Variants in SNTB1 observed in about 807,000 individuals in gnomAD.
The protein encoded by SNTB1 is syntrophin beta 1.
In SNTB1, 36 loss-of-function variants were observed where a neutral mutation model predicts 48.9. The observed-to-expected ratio is 0.74, with a 90% confidence interval of 0.56 to 0.97. The LOEUF (loss-of-function observed/expected upper bound fraction) is 0.97. SNTB1 is among the 50% of genes least tolerant of loss of function. SNTB1 has a pLI of 0.00. For synonymous variants in SNTB1, 299 were observed against 294.6 expected (o/e 1.01, Z -0.15); for missense variants, 786 against 703.4 (o/e 1.12, Z -1.33).
chr8:120,687,788 C>T (rs545983027), intron 2 of SNTB1, among the ~76,000 whole-genome samples: 156 of 152,228 alleles, frequency 1.0e-3, no homozygotes, highest in Non-Finnish European at 1.7e-3. Context: ...ATAAATCCTC[C>T]CACGTGGGCA....
At chr8:120,673,415 C>T (rs112689331) in intron 2 of SNTB1, among the ~76,000 whole-genome samples, 47 of 151,996 alleles carry the variant, frequency 3.1e-4, no homozygotes, top group African/African-American at 8.4e-4. Context: ...CTTAGCCTCC[C>T]GAGTAGCTGG....
At chr8:120,638,203 A>G (rs776120767) in intron 2 of SNTB1, 7 of 152,152 alleles carry the variant, frequency 4.6e-5, no homozygotes, top group Non-Finnish European at 8.8e-5. Context: ...TTTATCAATA[A>G]GAAAGGTTGG....
intron 2 of SNTB1, among the ~76,000 whole-genome samples, chr8:120,634,620 C>T (rs1817042749): frequency 6.6e-6 from 1 of 152,162 alleles, no homozygotes; most frequent in South Asian, 2.1e-4. Context: ...TGTAGTACTA[C>T]TCATCATCAA....
chr8:120,582,605 T>C (rs1327894098), intron 3 of SNTB1, among the ~76,000 whole-genome samples: 1 of 152,162 alleles, frequency 6.6e-6, no homozygotes, highest in Non-Finnish European at 1.5e-5. Context: ...TCATGTCCTT[T>C]GCAGGGACAT....
At chr8:120,768,360 G>A (rs1208237956) in intron 1 of SNTB1, among the ~76,000 whole-genome samples, 1 of 152,170 alleles carries the variant, frequency 6.6e-6, no homozygotes, top group African/African-American at 2.4e-5. Flanking sequence ...TTATAAAGGG[G>A]ACATTCTAAA....
At chr8:120,543,053 A>C (rs1815319024) in intron 5 of SNTB1, among the ~76,000 whole-genome samples, 1 of 152,050 alleles carries the variant, frequency 6.6e-6, no homozygotes, top group South Asian at 2.1e-4. Flanking sequence ...CAAAGCAAAA[A>C]CCTCTTGAGC....
intron 1 of SNTB1, among the ~76,000 whole-genome samples, chr8:120,750,243 C>T (rs1411090607): frequency 7.9e-5 from 12 of 151,872 alleles, no homozygotes; most frequent in African/African-American, 2.9e-4. Flanking sequence ...GTATCTCCAG[C>T]ACCCTGTGCC....
At chr8:120,596,928 C>T (rs751509616) in intron 3 of SNTB1, among the ~76,000 whole-genome samples, 3 of 152,222 alleles carry the variant, frequency 2.0e-5, no homozygotes, top group African/African-American at 4.8e-5. Context: ...AATGCATAGA[C>T]ATCTGTGGTA....
intron 1 of SNTB1, among the ~76,000 whole-genome samples, chr8:120,705,456 T>C (rs976410553): frequency 1.3e-5 from 2 of 152,250 alleles, no homozygotes; most frequent in African/African-American, 4.8e-5. Flanking sequence ...TTTGTGTATG[T>C]CTGCAGAATA....
chr8:120,549,353 C>T (rs568541483), intron 4 of SNTB1, among the ~76,000 whole-genome samples: 4 of 152,338 alleles, frequency 2.6e-5, no homozygotes, highest in Non-Finnish European at 5.9e-5. Context: ...TTAGGCTTCA[C>T]TCCCCTGTGT....
intron 2 of SNTB1, among the ~76,000 whole-genome samples, chr8:120,681,343 A>C (rs746220989): frequency 2.0e-5 from 3 of 152,150 alleles, no homozygotes; most frequent in Non-Finnish European, 4.4e-5. Context: ...CAGGCACAAC[A>C]TGTTTGGAGG....
At chr8:120,639,865 C>T (rs532374555) in intron 2 of SNTB1, among the ~76,000 whole-genome samples, 3 of 152,112 alleles carry the variant, frequency 2.0e-5, no homozygotes, top group Non-Finnish European at 4.4e-5. Context: ...AATGTGGGCT[C>T]TTTTTTGTTC....
chr8:120,598,468 A>G (rs548634959), intron 3 of SNTB1, among the ~76,000 whole-genome samples: 2 of 152,220 alleles, frequency 1.3e-5, no homozygotes, highest in South Asian at 2.1e-4. Context: ...GTATACATTT[A>G]CTCTGTGCTA....
At chr8:120,642,923 A>G (rs1297419335) in intron 2 of SNTB1, among the ~76,000 whole-genome samples, 4 of 152,176 alleles carry the variant, frequency 2.6e-5, no homozygotes, top group Admixed American at 2.0e-4. Flanking sequence ...AAACAAAAAA[A>G]CAAAACAAAA....
At chr8:120,702,604 T>G (rs1818325216) in intron 1 of SNTB1, among the ~76,000 whole-genome samples, 1 of 151,690 alleles carries the variant, frequency 6.6e-6, no homozygotes, top group Non-Finnish European at 1.5e-5. Context: ...TCCACTGATA[T>G]CAACAGCATC....
chr8:120,630,744 A>C (rs1816965948), intron 3 of SNTB1, among the ~76,000 whole-genome samples: 1 of 152,120 alleles, frequency 6.6e-6, no homozygotes, highest in Admixed American at 6.5e-5. Context: ...CTTCACTGCA[A>C]ATGACTTAGG....
chr8:120,731,843 G>T (rs1818857069), intron 1 of SNTB1, among the ~76,000 whole-genome samples: 1 of 152,188 alleles, frequency 6.6e-6, no homozygotes, highest in Non-Finnish European at 1.5e-5. Context: ...ATTATGACTT[G>T]TTGAATTTTT....
intron 1 of SNTB1, among the ~76,000 whole-genome samples, chr8:120,705,962 T>C (rs1413629759): frequency 6.6e-6 from 1 of 152,174 alleles, no homozygotes; most frequent in Non-Finnish European, 1.5e-5. Context: ...TCCCAAATCT[T>C]CCATTTACAA....
chr8:120,707,149 T>C (rs1215714818), intron 1 of SNTB1, among the ~76,000 whole-genome samples: 1 of 152,216 alleles, frequency 6.6e-6, no homozygotes, highest in Non-Finnish European at 1.5e-5. Flanking sequence ...ATCTGAAATA[T>C]GCATAAGTTG....
Sources: gnomAD v4.1 joint callset for allele counts (sites outside exome capture counted in the v4.1 genomes callset) on GRCh38, gnomAD v4.1.1 for gene constraint, MANE v1.5 for transcripts, NCBI Gene and HGNC (gene_info 2026-07-23, HGNC 2026-07-21) for gene names.